CACNA2D3: variants seen among roughly 807,000 people sequenced by gnomAD.
CACNA2D3 encodes the protein voltage-dependent calcium channel subunit alpha-2/delta-3.
Under a neutral mutation model 160.6 loss-of-function variants are expected in CACNA2D3, and 60 were observed. The ratio of observed to expected loss-of-function variants is 0.37; its 90% confidence interval spans 0.30 to 0.46. The LOEUF (loss-of-function observed/expected upper bound fraction) is 0.46, where lower values mean the gene tolerates loss of function less well. CACNA2D3 is among the 20% of genes least tolerant of loss of function. The pLI, the probability that CACNA2D3 is intolerant of heterozygous loss-of-function variation, is 1.00. For synonymous variants in CACNA2D3, 558 were observed against 492.9 expected (o/e 1.13, Z -1.75); for missense variants, 1,205 against 1,365.0 (o/e 0.88, Z 1.85).
chr3:54,413,096 C>T (rs954977820), intron 4 of CACNA2D3, among the ~76,000 whole-genome samples: 4 of 151,690 alleles, frequency 2.6e-5, no homozygotes, highest in African/African-American at 4.8e-5. Context: ...TACCACTCAG[C>T]TTTTGTTTAT....
intron 4 of CACNA2D3, among the ~76,000 whole-genome samples, chr3:54,469,710 A>C (rs1433120438): frequency 6.6e-6 from 1 of 152,082 alleles, no homozygotes; most frequent in East Asian, 1.9e-4. Flanking sequence ...TGCTAACTAG[A>C]CTAACCAGTT....
At chr3:54,905,192 C>T (rs995260450) in intron 27 of CACNA2D3, among the ~76,000 whole-genome samples, 12 of 152,128 alleles carry the variant, frequency 7.9e-5, no homozygotes, top group Non-Finnish European at 1.6e-4. Flanking sequence ...ACACAGAACA[C>T]TTTAGATCTG....
At chr3:54,356,305 T>G (rs1042615009) in intron 3 of CACNA2D3, among the ~76,000 whole-genome samples, 1 of 152,234 alleles carries the variant, frequency 6.6e-6, no homozygotes, top group Non-Finnish European at 1.5e-5. Flanking sequence ...GTTGTCCATC[T>G]GAAACTCATC....
At chr3:54,800,376 G>C (rs565146288) in intron 13 of CACNA2D3, among the ~76,000 whole-genome samples, 1 of 152,314 alleles carries the variant, frequency 6.6e-6, no homozygotes, top group East Asian at 1.9e-4. Context: ...TTCTCACAGA[G>C]AACTGGCAGA....
At chr3:54,136,764 C>T (rs1397849388) in intron 2 of CACNA2D3, among the ~76,000 whole-genome samples, 2 of 152,244 alleles carry the variant, frequency 1.3e-5, no homozygotes, top group African/African-American at 4.8e-5. Flanking sequence ...AGAAATGTTA[C>T]CTGGGGAGCT....
chr3:54,761,493 G>A (rs1344996489), intron 12 of CACNA2D3, among the ~76,000 whole-genome samples: 1 of 152,174 alleles, frequency 6.6e-6, no homozygotes, highest in Non-Finnish European at 1.5e-5. Flanking sequence ...TGTGTATGTG[G>A]CATGTTCCCT....
rs1553644127 is a variant in CACNA2D3 at position 55,074,394 on chromosome 3, C to CATCT, written c.*189_*192dup. 1.5e-4 allele frequency: 56 copies of CATCT among 379,226 alleles called. 1 individual carries two copies. The highest frequency in any genetic ancestry group is 1.0e-3 in the African/African-American group (37 of 37,140). 23.5% of individuals were successfully genotyped at this position (379,226 alleles called of 1,614,324 possible). On this transcript the variant is annotated 3_prime_UTR_variant, in exon 38 of 38. Coordinates refer to ENST00000474759, the MANE Select transcript of CACNA2D3 (RefSeq NM_018398.3). ...GATATGTTGACAAAAAGTTATCTAT[C>CATCT]ATCTTTTTACTTTGCCAGTCATGCA...
intron 2 of CACNA2D3, among the ~76,000 whole-genome samples, chr3:54,245,114 C>A (rs961791784): frequency 3.9e-5 from 6 of 152,150 alleles, no homozygotes; most frequent in Non-Finnish European, 7.3e-5. Flanking sequence ...TCAATCTCAA[C>A]AATGTCTTTG....
At chr3:54,641,933 G>A (rs189476751) in intron 10 of CACNA2D3, among the ~76,000 whole-genome samples, 195 bp from the exon 11 acceptor site, 5,311 of 151,810 alleles carry the variant, frequency 0.035, 127 homozygotes, top group East Asian at 0.061. Flanking sequence ...TTTATTTTTG[G>A]CTTAAAGATC....
At position 55,074,521 on chromosome 3, in the gene CACNA2D3, C is replaced by T; in HGVS notation, c.*315C>T. On this transcript the variant is annotated 3_prime_UTR_variant, in exon 38 of 38. Coordinates refer to ENST00000474759, the MANE Select transcript of CACNA2D3 (RefSeq NM_018398.3). ...GAAACCTATTGAAACCAATTTAAAA[C>T]TGTGTACTTTTTAAATAAAGTATAT... 3.9e-6 allele frequency: 1 copy of T among 256,352 alleles called. No homozygotes were observed. 15.9% of individuals were successfully genotyped at this position (256,352 alleles called of 1,614,324 possible).
At chr3:54,675,716 A>G (rs137926203) in intron 11 of CACNA2D3, among the ~76,000 whole-genome samples, 168 of 152,274 alleles carry the variant, frequency 1.1e-3, no homozygotes, top group African/African-American at 3.9e-3. Context: ...CTTGAGGCAA[A>G]CTATGAGTAA....
intron 4 of CACNA2D3, among the ~76,000 whole-genome samples, chr3:54,470,288 A>C (rs1328829258): frequency 6.6e-6 from 1 of 152,244 alleles, no homozygotes; most frequent in Middle Eastern, 3.2e-3. Flanking sequence ...AACATTCTTA[A>C]AGAAAAGAAT....
intron 2 of CACNA2D3, among the ~76,000 whole-genome samples, chr3:54,278,800 C>T (rs774714021): frequency 5.9e-5 from 9 of 151,402 alleles, no homozygotes; most frequent in South Asian, 2.1e-4. Context: ...CACCTGGACA[C>T]GGGGAGGGGA....
intron 5 of CACNA2D3, among the ~76,000 whole-genome samples, chr3:54,532,374 T>A (rs747864214): frequency 6.6e-6 from 1 of 152,198 alleles, no homozygotes; most frequent in Non-Finnish European, 1.5e-5. Flanking sequence ...ATGGATACAT[T>A]GAGTAGTGGT....
At chr3:55,002,158 A>C (rs1385735297) in intron 31 of CACNA2D3, among the ~76,000 whole-genome samples, 5 of 116,828 alleles carry the variant, frequency 4.3e-5, no homozygotes, top group African/African-American at 2.9e-4. Context: ...ACTCCATATC[A>C]AAAAAAAAAA....
chr3:54,282,462 G>A (rs962103998), intron 2 of CACNA2D3, among the ~76,000 whole-genome samples: 1 of 152,220 alleles, frequency 6.6e-6, no homozygotes, highest in Non-Finnish European at 1.5e-5. Flanking sequence ...AGAGTACTAT[G>A]TGGATCATTC....
intron 11 of CACNA2D3, among the ~76,000 whole-genome samples, chr3:54,668,927 C>G (rs1274429852): frequency 6.6e-6 from 1 of 152,212 alleles, no homozygotes; most frequent in Non-Finnish European, 1.5e-5. Context: ...CCACAAAGTT[C>G]CTATTACTCA....
chr3:54,948,519 G>T (rs1236663226), intron 27 of CACNA2D3, among the ~76,000 whole-genome samples: 1 of 151,284 alleles, frequency 6.6e-6, no homozygotes, highest in South Asian at 2.1e-4. Flanking sequence ...TCCTGCAGTG[G>T]TTTCACCATG....
intron 10 of CACNA2D3, among the ~76,000 whole-genome samples, chr3:54,637,520 C>G (rs1237385646): frequency 1.3e-5 from 2 of 151,848 alleles, no homozygotes; most frequent in Non-Finnish European, 2.9e-5. Context: ...AGAGTATTGT[C>G]TAAGTTGGCA....
Sources: allele counts gnomAD v4.1 joint callset (sites outside exome capture counted in the v4.1 genomes callset), GRCh38; gene constraint gnomAD v4.1.1; transcripts MANE v1.5; gene names NCBI Gene and HGNC (gene_info 2026-07-23, HGNC 2026-07-21).